Variants in CSMD1 observed in about 807,000 individuals in gnomAD.
CSMD1 encodes CUB and sushi domain-containing protein 1.
In CSMD1, 213 loss-of-function variants were observed where a neutral mutation model predicts 417.5. The observed-to-expected ratio is 0.51, with a 90% CI of 0.46 to 0.57. The LOEUF is 0.57. Ranked by LOEUF, CSMD1 falls within the 20% of genes least tolerant of loss-of-function variation. The probability of loss-of-function intolerance (pLI) is 0.00; values close to 1 mark genes in which losing one functional copy is unlikely to be tolerated. For synonymous variants in CSMD1, 2,862 were observed against 1,736.8 expected (o/e 1.65, Z -16.11); for missense variants, 6,923 against 4,529.7 (o/e 1.53, Z -15.17).
intron 3 of CSMD1, among the ~76,000 whole-genome samples, chr8:4,255,300 T>C (rs936586277): frequency 6.6e-6 from 1 of 152,160 alleles, no homozygotes; most frequent in African/African-American, 2.4e-5. Flanking sequence ...AGACCTCCTA[T>C]ATTGGTGAAC....
chr8:4,833,384 C>G (rs146486835), intron 1 of CSMD1, among the ~76,000 whole-genome samples: 1 of 152,278 alleles, frequency 6.6e-6, no homozygotes, highest in Non-Finnish European at 1.5e-5. Context: ...AACCAGCTCT[C>G]AAGAGAACTC....
chr8:4,452,749 T>A (rs1799225481), intron 2 of CSMD1, among the ~76,000 whole-genome samples: 2 of 152,094 alleles, frequency 1.3e-5, no homozygotes, highest in African/African-American at 4.8e-5. Flanking sequence ...TATTCATCTT[T>A]CAACATATCA....
At position 4,032,073 on chromosome 8, in the gene CSMD1, G is replaced by A. The variant is rs548910975; in HGVS notation, c.442C>T (p.Pro148Ser). 1.5e-4 allele frequency: 244 copies of A among 1,613,050 alleles called. 1 individual carries two copies. The South Asian group carries it at 2.5e-3, about 17-fold the overall frequency. ...AGAACTCCTTTCAGGATTTCTCCAG[G>A]ATTTCCACAAGTGTGGCTAGGTAAA... ...EVLPSHTCGN[P>S]GEILKGVLHG... is the part of the protein sequence containing the mutation. The change falls in exon 4 of 70, where the codon CCT becomes TCT. Residue 148 changes from proline to serine, a missense_variant. By Grantham distance (74) the Pro-to-Ser change is moderately conservative (BLOSUM62 -1). Coordinates refer to ENST00000635120, the MANE Select transcript of CSMD1 (RefSeq NM_033225.6).
At chr8:4,358,470 G>C (rs916897729) in intron 3 of CSMD1, among the ~76,000 whole-genome samples, 3 of 152,204 alleles carry the variant, frequency 2.0e-5, no homozygotes, top group African/African-American at 4.8e-5. Context: ...GCTGCCACTG[G>C]CTCCTTTCCA....
chr8:3,771,151 A>G lies in CSMD1; in HGVS notation c.819-17109T>C, dbSNP rs190979844. Among the ~76,000 whole-genome samples the G allele has an allele frequency of 2.5e-4, 38 of 152,152 alleles. No individual in the cohort carries two copies. In the East Asian group the frequency reaches 7.3e-3, roughly 29 times the overall value. On this transcript the variant is annotated intron_variant, in intron 5 of 69. Coordinates refer to ENST00000635120, the MANE Select transcript of CSMD1 (RefSeq NM_033225.6). The stretch of plus-strand genomic sequence containing the variant: ...TGAACAAAAAATAAAACATTTCAAC[A>G]CACTGGAATTATGACTTGGTGCACT...
intron 1 of CSMD1, among the ~76,000 whole-genome samples, chr8:4,912,135 A>AAAAAAAAGAAAAG (rs765904838): frequency 3.5e-5 from 4 of 115,612 alleles, no homozygotes; most frequent in South Asian, 5.8e-4. Context: ...AAAAAAAAAA[A>AAAAAAAAGAAAAG]AAAAAAGAAA....
chr8:4,765,789 G>T (rs745796101), intron 1 of CSMD1, among the ~76,000 whole-genome samples: 1 of 152,162 alleles, frequency 6.6e-6, no homozygotes, highest in Admixed American at 6.5e-5. Context: ...GAGAGCCTGG[G>T]GGTTGATGAA....
At chr8:3,399,181 C>T (rs755660352) in intron 16 of CSMD1, among the ~76,000 whole-genome samples, 2 of 152,184 alleles carry the variant, frequency 1.3e-5, no homozygotes. Flanking sequence ...AGTTCCCCTA[C>T]TAACCTCCAG....
At chr8:3,268,894 G>C (rs1442368301) in intron 26 of CSMD1, among the ~76,000 whole-genome samples, 1 of 152,132 alleles carries the variant, frequency 6.6e-6, no homozygotes, top group African/African-American at 2.4e-5. Context: ...CATATTAGCA[G>C]AAAGGTGGCC....
chr8:4,749,436 T>C (rs1222332836), intron 1 of CSMD1, among the ~76,000 whole-genome samples: 1 of 152,230 alleles, frequency 6.6e-6, no homozygotes, highest in Non-Finnish European at 1.5e-5. Context: ...TATTGCCGTT[T>C]GGCCATGGAA....
At chr8:4,354,561 C>G (rs1271519674) in intron 3 of CSMD1, among the ~76,000 whole-genome samples, 1 of 152,150 alleles carries the variant, frequency 6.6e-6, no homozygotes, top group African/African-American at 2.4e-5. Context: ...TAGCACTAAA[C>G]ATAGATGGCA....
intron 39 of CSMD1, among the ~76,000 whole-genome samples, chr8:3,156,204 C>T (rs1819517774): frequency 6.6e-6 from 1 of 152,148 alleles, no homozygotes; most frequent in African/African-American, 2.4e-5. Flanking sequence ...CACCATTTGG[C>T]AGTATGGCAT....
intron 1 of CSMD1, among the ~76,000 whole-genome samples, chr8:4,750,300 C>G (rs1024408268): frequency 2.6e-5 from 4 of 152,164 alleles, no homozygotes; most frequent in Non-Finnish European, 4.4e-5. Flanking sequence ...ACCACCATGC[C>G]CGGCCCTGAC....
intron 5 of CSMD1, among the ~76,000 whole-genome samples, chr8:3,829,035 T>C (rs540724271): frequency 3.7e-4 from 56 of 151,424 alleles, no homozygotes; most frequent in African/African-American, 1.3e-3. Context: ...TTTAAAAAAA[T>C]GTATTTTTCC....
At chr8:3,744,653 G>A (rs574313583) in intron 6 of CSMD1, among the ~76,000 whole-genome samples, 3 of 152,330 alleles carry the variant, frequency 2.0e-5, no homozygotes, top group African/African-American at 7.2e-5. Context: ...CAAAGCACAT[G>A]CTATTTACAA....
intron 7 of CSMD1, among the ~76,000 whole-genome samples, chr8:3,652,248 C>A (rs1210439693): frequency 6.6e-6 from 1 of 151,984 alleles, no homozygotes; most frequent in Non-Finnish European, 1.5e-5. Context: ...CTACCAACGT[C>A]ATTGCACTTA....
chr8:2,940,771 T>C (rs1453852492), intron 69 of CSMD1, among the ~76,000 whole-genome samples: 1 of 152,192 alleles, frequency 6.6e-6, no homozygotes, highest in African/African-American at 2.4e-5. Context: ...ATATGAAGGT[T>C]TGCATCTTTG....
intron 1 of CSMD1, among the ~76,000 whole-genome samples, chr8:4,659,067 G>C (rs189706546): frequency 1.3e-5 from 2 of 152,158 alleles, no homozygotes; most frequent in East Asian, 3.9e-4. Flanking sequence ...AAGAAAACCA[G>C]AGAACTTCAC....
At chr8:4,844,934 T>C (rs922188761) in intron 1 of CSMD1, among the ~76,000 whole-genome samples, 7 of 152,282 alleles carry the variant, frequency 4.6e-5, no homozygotes, top group African/African-American at 1.4e-4. Flanking sequence ...GTTTCCCAAA[T>C]AGACACCAGT....
Sources: allele counts gnomAD v4.1 joint callset (sites outside exome capture counted in the v4.1 genomes callset), GRCh38; gene constraint gnomAD v4.1.1; transcripts MANE v1.5; gene names NCBI Gene and HGNC (gene_info 2026-07-23, HGNC 2026-07-21).